LINGO2: variants seen among roughly 807,000 people sequenced by gnomAD.
The protein encoded by LINGO2 is leucine rich repeat and Ig domain containing 2, also known as leucine-rich repeat and immunoglobulin-like domain-containing nogo receptor-interacting protein 2.
In LINGO2, 14 loss-of-function variants were observed where a neutral mutation model predicts 30.6. The observed-to-expected ratio is 0.46, with a 90% confidence interval of 0.30 to 0.72. The LOEUF (loss-of-function observed/expected upper bound fraction) is 0.72. Among genes scored for constraint, LINGO2 ranks in the 30% least tolerant of loss-of-function variants. The pLI is 0.07. For missense variants in LINGO2, 729 were observed against 751.7 expected, an observed-to-expected ratio of 0.97 and a Z score of 0.35; for synonymous variants, 317 against 288.5, an observed-to-expected ratio of 1.10 and a Z score of -1.00.
intron 5 of LINGO2, among the ~76,000 whole-genome samples, chr9:28,000,368 A>C (rs1293407305): frequency 1.3e-5 from 2 of 149,744 alleles, no homozygotes; most frequent in African/African-American, 5.1e-5. Flanking sequence ...TAACAAGCCG[A>C]AAAGAAGGAG....
intron 1 of LINGO2, among the ~76,000 whole-genome samples, chr9:28,653,701 T>A (rs1324393565): frequency 6.6e-6 from 1 of 152,134 alleles, no homozygotes; most frequent in Non-Finnish European, 1.5e-5. Context: ...TCTCCATACC[T>A]TCACAATGAA....
At chr9:28,406,800 A>C (rs1277791127) in intron 2 of LINGO2, among the ~76,000 whole-genome samples, 5 of 152,182 alleles carry the variant, frequency 3.3e-5, no homozygotes, top group Non-Finnish European at 5.9e-5. Flanking sequence ...AGATTTTATA[A>C]AGGTACTGTG....
At chr9:28,761,782 C>A in the LINGO2 span, among the ~76,000 whole-genome samples, 1 of 151,846 alleles carries the variant, frequency 6.6e-6, no homozygotes, top group South Asian at 2.1e-4. Context: ...AATGGTCACC[C>A]CAATTACTAG....
the LINGO2 span, among the ~76,000 whole-genome samples, chr9:29,127,994 C>T: frequency 6.6e-6 from 1 of 152,012 alleles, no homozygotes; most frequent in African/African-American, 2.4e-5. Context: ...AGAAACACAC[C>T]CAGTTCCTAT....
chr9:28,453,001 A>G (rs185098772), intron 2 of LINGO2, among the ~76,000 whole-genome samples: 1 of 151,962 alleles, frequency 6.6e-6, no homozygotes, highest in African/African-American at 2.4e-5. Context: ...AAAATTGGGA[A>G]AAGTTTAGAC....
At chr9:28,732,893 C>T in the LINGO2 span, among the ~76,000 whole-genome samples, 5 of 152,170 alleles carry the variant, frequency 3.3e-5, no homozygotes, top group African/African-American at 1.2e-4. Context: ...TGCAAGAAAT[C>T]CTGGCCTGAT....
chr9:28,377,934 G>A (rs1198125446), intron 2 of LINGO2, among the ~76,000 whole-genome samples: 1 of 152,176 alleles, frequency 6.6e-6, no homozygotes, highest in Non-Finnish European at 1.5e-5. Flanking sequence ...CTATGCAGTT[G>A]TGAGAAAATC....
intron 1 of LINGO2, among the ~76,000 whole-genome samples, chr9:28,517,692 A>C (rs1333272784): frequency 6.6e-6 from 1 of 152,226 alleles, no homozygotes; most frequent in Non-Finnish European, 1.5e-5. Flanking sequence ...TCAGAAATTC[A>C]GGAATCCTTA....
chr9:28,610,132 T>C (rs909869012), intron 1 of LINGO2, among the ~76,000 whole-genome samples: 3 of 152,154 alleles, frequency 2.0e-5, no homozygotes, highest in African/African-American at 7.2e-5. Context: ...CTCCAATAGT[T>C]TGAATTTTTT....
exon 6 of LINGO2, chr9:27,949,631 C>T (rs1003222855): frequency 4.3e-6 from 7 of 1,613,954 alleles, no homozygotes; most frequent in Non-Finnish European, 5.1e-6. Flanking sequence ...TCAAGACCTC[C>T]AGAGCCCTAG....
At chr9:29,179,052 T>C in the LINGO2 span, among the ~76,000 whole-genome samples, 31 of 151,202 alleles carry the variant, frequency 2.1e-4, no homozygotes, top group African/African-American at 6.8e-4. Context: ...GTTGAGGCTA[T>C]TGACATAGGC....
the LINGO2 span, among the ~76,000 whole-genome samples, chr9:28,981,171 T>C: frequency 6.6e-6 from 1 of 152,112 alleles, no homozygotes; most frequent in South Asian, 2.1e-4. Flanking sequence ...AGTGCTTTCA[T>C]ATGCATTGTT....
chr9:29,045,523 T>C, the LINGO2 span, among the ~76,000 whole-genome samples: 1 of 151,418 alleles, frequency 6.6e-6, no homozygotes, highest in Admixed American at 6.6e-5. Flanking sequence ...ATAAAAAACA[T>C]ATGACCATTT....
chr9:29,195,679 GA>G, the LINGO2 span, among the ~76,000 whole-genome samples: 1 of 152,018 alleles, frequency 6.6e-6, no homozygotes, highest in African/African-American at 2.4e-5. Flanking sequence ...GTATCAAATA[GA>G]AAAAAATATT....
chr9:29,118,407 TG>T, the LINGO2 span, among the ~76,000 whole-genome samples: 25 of 152,330 alleles, frequency 1.6e-4, no homozygotes, highest in Middle Eastern at 6.8e-3. Context: ...ATCAAGAATC[TG>T]GCCACAGAGT....
At chr9:29,005,552 C>A in the LINGO2 span, among the ~76,000 whole-genome samples, 4 of 152,026 alleles carry the variant, frequency 2.6e-5, no homozygotes, top group Admixed American at 2.0e-4. Context: ...AATGTACCCA[C>A]AAAAATTAAA....
chr9:29,154,213 A>C, the LINGO2 span, among the ~76,000 whole-genome samples: 47 of 152,220 alleles, frequency 3.1e-4, no homozygotes, highest in Non-Finnish European at 5.3e-4. Flanking sequence ...GGAGAGGCCA[A>C]GAAAGGCGGA....
chr9:28,797,359 T>TATATATATATATATAGAGAGAGAGAG, the LINGO2 span, among the ~76,000 whole-genome samples: 1 of 34,214 alleles, frequency 2.9e-5, no homozygotes, highest in African/African-American at 9.6e-5. Flanking sequence ...TATATATATA[T>TATATATATATATATAGAGAGAGAGAG]AGAGAGAGAG....
chr9:28,971,232 A>T, the LINGO2 span, among the ~76,000 whole-genome samples: 1 of 152,144 alleles, frequency 6.6e-6, no homozygotes, highest in Non-Finnish European at 1.5e-5. Context: ...ATCAAAAGTA[A>T]TACCCAGGTA....
Sources: allele counts gnomAD v4.1 joint callset (sites outside exome capture counted in the v4.1 genomes callset), GRCh38; gene constraint gnomAD v4.1.1; transcripts MANE v1.5; gene names NCBI Gene and HGNC (gene_info 2026-07-23, HGNC 2026-07-21).